Variants in PCDH15 observed in about 807,000 individuals in gnomAD.
PCDH15 encodes protocadherin related 15.
PCDH15 carries 129 observed loss-of-function variants against 178.5 expected under a neutral mutation model. That is an observed-to-expected ratio of 0.72 (90% CI 0.63 to 0.84). The LOEUF (loss-of-function observed/expected upper bound fraction) is 0.84, where lower values mean the gene tolerates loss of function less well. Ranked by LOEUF, PCDH15 falls within the 40% of genes least tolerant of loss-of-function variation. The probability of loss-of-function intolerance (pLI) is 0.00; values close to 1 mark genes in which losing one functional copy is unlikely to be tolerated. For synonymous variants in PCDH15, 800 were observed against 732.0 expected (o/e 1.09, Z -1.50); for missense variants, 2,230 against 2,099.9 (o/e 1.06, Z -1.21).
chr10:55,082,151 C>A (rs1842055303), intron 2 of PCDH15, among the ~76,000 whole-genome samples: 1 of 152,034 alleles, frequency 6.6e-6, no homozygotes, highest in African/African-American at 2.4e-5. Context: ...AATGGATCAT[C>A]CTCAAGGATA....
intron 9 of PCDH15, among the ~76,000 whole-genome samples, chr10:54,234,273 C>A (rs1335195872): frequency 6.6e-6 from 1 of 151,836 alleles, no homozygotes; most frequent in Non-Finnish European, 1.5e-5. Context: ...ATAACAATGT[C>A]AACTAAAATG....
At chr10:55,428,522 G>A (rs1380463566) in intron 2 of PCDH15, among the ~76,000 whole-genome samples, 2 of 151,562 alleles carry the variant, frequency 1.3e-5, no homozygotes, top group African/African-American at 4.8e-5. Flanking sequence ...CTGCATTATA[G>A]ATACATACAT....
intron 2 of PCDH15, among the ~76,000 whole-genome samples, chr10:54,609,310 A>G (rs1398896877): frequency 2.0e-5 from 3 of 152,078 alleles, no homozygotes; most frequent in Non-Finnish European, 4.4e-5. Context: ...GTAGGCTCAT[A>G]AACTTGCACA....
At chr10:55,618,836 A>G (rs1479771232) in intron 2 of PCDH15, among the ~76,000 whole-genome samples, 1 of 152,072 alleles carries the variant, frequency 6.6e-6, no homozygotes, top group African/African-American at 2.4e-5. Flanking sequence ...AAGATCCATG[A>G]CATAAAGAAA....
rs193095496 is a variant in PCDH15, at chr10:53,901,411, T to C, written c.3501+1832A>G. ...ATGTATGATTCATCGGCAAATCCTATATGTTCTATCCTTTAACCCCCTTCT... is the reference window on the plus strand; with the variant it reads ...ATGTATGATTCATCGGCAAATCCTACATGTTCTATCCTTTAACCCCCTTCT... On this transcript the variant is annotated intron_variant, in intron 26 of 37. Coordinates refer to ENST00000644397, the MANE Select transcript of PCDH15 (RefSeq NM_001384140.1). Among the ~76,000 whole-genome samples, 276 of 152,236 alleles carry C rather than the reference T, an allele frequency of 1.8e-3. No individual in the cohort carries two copies. The Middle Eastern group carries it at 0.02, about 11-fold the overall frequency.
At chr10:54,397,803 GC>G (rs1265792193) in intron 3 of PCDH15, among the ~76,000 whole-genome samples, 9 of 151,816 alleles carry the variant, frequency 5.9e-5, no homozygotes, top group Non-Finnish European at 1.3e-4. Context: ...AGATACTTCT[GC>G]CAGACAAATG....
At chr10:55,598,528 A>AG (rs1842985557) in intron 2 of PCDH15, among the ~76,000 whole-genome samples, 1 of 29,864 alleles carries the variant, frequency 3.3e-5, no homozygotes, top group Non-Finnish European at 5.4e-5. Flanking sequence ...ATATATATAT[A>AG]TATATATATA....
intron 3 of PCDH15, among the ~76,000 whole-genome samples, chr10:54,826,831 T>C (rs902774390): frequency 1.3e-5 from 2 of 152,052 alleles, no homozygotes; most frequent in South Asian, 2.1e-4. Context: ...ATAAAGCTAT[T>C]GTATTACTAA....
At chr10:54,093,910 T>C (rs985232384) in intron 15 of PCDH15, among the ~76,000 whole-genome samples, 3 of 152,200 alleles carry the variant, frequency 2.0e-5, no homozygotes, top group Admixed American at 1.3e-4. Flanking sequence ...ATAAGAGATA[T>C]AAATTGCTTC....
intron 2 of PCDH15, among the ~76,000 whole-genome samples, chr10:54,655,315 A>AGAGAGG (rs2094374918): frequency 1.7e-5 from 2 of 119,384 alleles, no homozygotes; most frequent in Non-Finnish European, 3.6e-5. Context: ...AGAGAGAGAG[A>AGAGAGG]CAGAGAAAGA....
At chr10:54,805,235 CAAAGT>C (rs1952760657), upstream of PCDH15, among the ~76,000 whole-genome samples, 1 of 151,580 alleles carries the variant, frequency 6.6e-6, no homozygotes, top group African/African-American at 2.4e-5. Context: ...ATAGGAACTG[CAAAGT>C]AAAGAGAGGT....
intron 2 of PCDH15, among the ~76,000 whole-genome samples, chr10:55,567,444 AAAG>A (rs1842324209): frequency 1.3e-5 from 2 of 151,834 alleles, no homozygotes; most frequent in South Asian, 4.1e-4. Context: ...TAAAAAAAAA[AAAG>A]AAGATGAAAT....
chr10:54,381,752 C>G (rs1172677380), intron 3 of PCDH15, among the ~76,000 whole-genome samples: 1 of 151,972 alleles, frequency 6.6e-6, no homozygotes, highest in African/African-American at 2.4e-5. Flanking sequence ...TGGGATTCAC[C>G]TTACATGAAA....
chr10:55,444,483 C>A (rs571609150), intron 2 of PCDH15, among the ~76,000 whole-genome samples: 1 of 151,920 alleles, frequency 6.6e-6, no homozygotes, highest in South Asian at 2.1e-4. Context: ...GAAAATAAAT[C>A]AGGAAGTGAA....
intron 2 of PCDH15, among the ~76,000 whole-genome samples, chr10:54,622,642 AT>A (rs1233469925): frequency 1.5e-4 from 15 of 98,442 alleles, no homozygotes; most frequent in East Asian, 2.7e-4. Flanking sequence ...ATATTATATA[AT>A]TATATATATA....
chr10:53,929,467 G>T (rs947443377), intron 25 of PCDH15, among the ~76,000 whole-genome samples: 8 of 151,942 alleles, frequency 5.3e-5, no homozygotes, highest in African/African-American at 1.9e-4. Flanking sequence ...TAAAACAGTG[G>T]CCATATATTT....
intron 2 of PCDH15, among the ~76,000 whole-genome samples, chr10:55,328,942 ATATATAT>A (rs1844114966): frequency 7.7e-6 from 1 of 129,580 alleles, no homozygotes; most frequent in Non-Finnish European, 1.7e-5. Context: ...ATATATATAT[ATATATAT>A]AAAATATATA....
intron 4 of PCDH15, among the ~76,000 whole-genome samples, chr10:54,371,080 A>T (rs1947591936): frequency 6.6e-6 from 1 of 151,882 alleles, no homozygotes; most frequent in African/African-American, 2.4e-5. Context: ...TGAATGTTAC[A>T]AACCTTGGAA....
At chr10:54,358,501 T>C (rs1945419657) in intron 5 of PCDH15, among the ~76,000 whole-genome samples, 1 of 152,074 alleles carries the variant, frequency 6.6e-6, no homozygotes, top group Non-Finnish European at 1.5e-5. Flanking sequence ...TCATTAAAAG[T>C]CAGGGAACAA....
Sources: allele counts gnomAD v4.1 joint callset (sites outside exome capture counted in the v4.1 genomes callset), GRCh38; gene constraint gnomAD v4.1.1; transcripts MANE v1.5; gene names NCBI Gene and HGNC (gene_info 2026-07-23, HGNC 2026-07-21).